The following SEMA5A variants were observed in gnomAD, a reference collection of about 807,000 sequenced individuals.
The protein encoded by SEMA5A is semaphorin-5A.
A neutral mutation model predicts 135.5 loss-of-function variants in SEMA5A; 55 were observed. The ratio of observed to expected loss-of-function variants is 0.41; its 90% CI spans 0.33 to 0.51. The LOEUF (loss-of-function observed/expected upper bound fraction) is 0.51, where lower values mean the gene tolerates loss of function less well. Among genes scored for constraint, SEMA5A ranks in the 20% least tolerant of loss-of-function variants. The pLI is 0.37. For synonymous variants in SEMA5A, 580 were observed against 546.5 expected, an observed-to-expected ratio of 1.06 and a Z score of -0.85; for missense variants, 1,290 against 1,419.9, an observed-to-expected ratio of 0.91 and a Z score of 1.47.
chr5:9,203,790 T>C (rs1745855737), intron 8 of SEMA5A, among the ~76,000 whole-genome samples: 1 of 152,168 alleles, frequency 6.6e-6, no homozygotes, highest in African/African-American at 2.4e-5. Flanking sequence ...TATTCTTAAG[T>C]CACTATTGCT....
intron 2 of SEMA5A, chr5:9,390,983 T>G (rs947565044): frequency 1.3e-5 from 2 of 152,152 alleles, no homozygotes; most frequent in African/African-American, 4.8e-5. Flanking sequence ...ATGGAAGAAG[T>G]AAAATTTTAA....
At position 9,333,830 on chromosome 5, in the gene SEMA5A, T is replaced by C. The variant is rs561093753; in HGVS notation, c.224+3883A>G. ...ATCTCTGAAATTGTTTTTTTCTTTATGCTTTACTGTATATTCTACATTTTG... is the reference window on the plus strand; with the variant it reads ...ATCTCTGAAATTGTTTTTTTCTTTACGCTTTACTGTATATTCTACATTTTG... On this transcript the variant is annotated intron_variant, in intron 4 of 22. Coordinates refer to ENST00000382496, the MANE Select transcript of SEMA5A (RefSeq NM_003966.3). Among the ~76,000 whole-genome samples, 18 of 152,354 alleles carry C rather than the reference T, an allele frequency of 1.2e-4. No individual in the cohort carries two copies. In the South Asian group the frequency reaches 3.5e-3, roughly 30 times the overall value.
intron 6 of SEMA5A, among the ~76,000 whole-genome samples, chr5:9,235,486 C>G (rs1308061353): frequency 1.3e-5 from 2 of 152,164 alleles, no homozygotes; most frequent in Non-Finnish European, 2.9e-5. Context: ...TTAAAGTTCA[C>G]TACCCTGGTA....
chr5:9,268,799 T>G, intron 5 of SEMA5A, among the ~76,000 whole-genome samples: 1 of 152,268 alleles, frequency 6.6e-6, no homozygotes, highest in East Asian at 1.9e-4. Context: ...TGCTACCTTG[T>G]ATATATATAA....
chr5:9,170,046 A>T (rs553430359), intron 11 of SEMA5A, among the ~76,000 whole-genome samples: 1 of 152,300 alleles, frequency 6.6e-6, no homozygotes, highest in South Asian at 2.1e-4. Context: ...TCAGTATTCC[A>T]TCTGGGAGGT....
chr5:9,050,580 G>T, intron 20 of SEMA5A, 123 bp from the exon 21 acceptor site: 2 of 832,374 alleles, frequency 2.4e-6, no homozygotes, highest in Non-Finnish European at 1.8e-6. Context: ...TCAAAAGCTT[G>T]ATTAATTATC....
At chr5:9,306,610 A>G (rs1355957394) in intron 5 of SEMA5A, among the ~76,000 whole-genome samples, 1 of 152,136 alleles carries the variant, frequency 6.6e-6, no homozygotes, top group Non-Finnish European at 1.5e-5. Flanking sequence ...ACCTTCTGCT[A>G]ACTTTACTAA....
In SEMA5A at chr5:9,204,635, A is replaced by T. The variant is rs1205964805; in HGVS notation, c.647-2395T>A. ...CCCATTTCACAGATGAGGACACTAA[A>T]GCCCAGAGATTTAATAACTTGTCCA... On this transcript the variant is annotated intron_variant, in intron 8 of 22. Transcript: ENST00000382496. This position sits in a 1 kb window ranked among gnomAD's most constrained non-coding sequence, Gnocchi z 6.4. Among the ~76,000 whole-genome samples the T allele has an allele frequency of 6.6e-6, 1 of 152,180 alleles. No individual in the cohort carries two copies. The highest frequency in any genetic ancestry group is 2.4e-5 in the African/African-American group (1 of 41,434).
At chr5:9,381,981 T>TGTGTGTGTGTGCGC (rs1411451751) in intron 2 of SEMA5A, among the ~76,000 whole-genome samples, 4 of 99,920 alleles carry the variant, frequency 4.0e-5, no homozygotes, top group Non-Finnish European at 6.4e-5. Flanking sequence ...TGTGTGTGTG[T>TGTGTGTGTGTGCGC]GCGCGCGCGC....
intron 1 of SEMA5A, among the ~76,000 whole-genome samples, chr5:9,488,597 T>C (rs1734847352): frequency 6.6e-6 from 1 of 152,182 alleles, no homozygotes; most frequent in Non-Finnish European, 1.5e-5. Context: ...GCATGGGTCA[T>C]ATGTCTGACA....
rs112063115 is a variant in SEMA5A, at chr5:9,500,780, G to A, written c.-175+44804C>T. Among the ~76,000 whole-genome samples, 1,436 of 152,194 alleles carry A rather than the reference G, an allele frequency of 9.4e-3. 19 individuals are homozygous for A. Among genetic ancestry groups the A allele is most frequent in the African/African-American group, 0.032 (1,325 of 41,516 alleles). Reference sequence around the variant, plus strand: ...CAGGTTGTGGTCTGTGCCTGGCTGCGGTCCACATTATATGTGTTTTAGGAG... The same window carrying A: ...CAGGTTGTGGTCTGTGCCTGGCTGCAGTCCACATTATATGTGTTTTAGGAG... On this transcript the variant is annotated intron_variant, in intron 1 of 22. Coordinates refer to ENST00000382496, the MANE Select transcript of SEMA5A (RefSeq NM_003966.3).
chr5:9,294,193 G>A lies in SEMA5A; in HGVS notation c.270+24179C>T, dbSNP rs371486945. Among the ~76,000 whole-genome samples, 32 of 152,112 alleles carry A rather than the reference G, an allele frequency of 2.1e-4. No individual in the cohort carries two copies. In the East Asian group the frequency reaches 2.1e-3, roughly 10 times the overall value. On this transcript the variant is annotated intron_variant, in intron 5 of 22. Coordinates refer to ENST00000382496, the MANE Select transcript of SEMA5A (RefSeq NM_003966.3). ...ACAGCATTTGGCCTTCCGGTACATC[G>A]TCACCTCCCCTCTCAGCTCGGCTGC...
At chr5:9,540,671 C>T (rs939020242) in intron 1 of SEMA5A, among the ~76,000 whole-genome samples, 1 of 152,074 alleles carries the variant, frequency 6.6e-6, no homozygotes, top group African/African-American at 2.4e-5. Flanking sequence ...AAAGGAGTCA[C>T]GGAAGCCAGT....
In SEMA5A at chr5:9,204,266, G is replaced by T. The variant is rs988445759; in HGVS notation, c.647-2026C>A. Among the ~76,000 whole-genome samples the T allele has an allele frequency of 4.6e-5, 7 of 152,118 alleles. No individual in the cohort carries two copies. Among genetic ancestry groups the T allele is most frequent in the Non-Finnish European group, 8.8e-5 (6 of 68,036 alleles). ...GAAAACAAAGAGAGAAGGCGTAAGG[G>T]TCCAAGTGTGTCTAGCCCGGGACTT... On this transcript the variant is annotated intron_variant, in intron 8 of 22. Coordinates refer to ENST00000382496, the MANE Select transcript of SEMA5A (RefSeq NM_003966.3). The surrounding 1 kb of genome is among the most constrained non-coding windows in gnomAD (Gnocchi z 6.4).
rs1215358817 is a variant in SEMA5A at position 9,400,501 on chromosome 5, A to ATTTT, written c.-77-20482_-77-20479dup. 5.3e-3 allele frequency among the ~76,000 whole-genome samples: 461 copies of ATTTT among 86,878 alleles called. 13 individuals carry two copies. Among genetic ancestry groups the ATTTT allele is most frequent in the Middle Eastern group, 7.7e-3 (1 of 130 alleles). The allele number at this position is 86,878 out of a possible 152,430, so 57.0% of individuals were successfully genotyped here. A position where few individuals can be genotyped will look rare whatever the true frequency, so the allele number is the denominator to read the frequency against. On this transcript the variant is annotated intron_variant, in intron 2 of 22. Coordinates refer to ENST00000382496, the MANE Select transcript of SEMA5A (RefSeq NM_003966.3). ...CTTCAATAGTTTGAACACAATGTAC[A>ATTTT]TTTTTTTTTTTTTTTTTTTTTTTGA...
intron 18 of SEMA5A, among the ~76,000 whole-genome samples, chr5:9,056,553 CTCT>C (rs1736903599): frequency 6.6e-6 from 1 of 152,160 alleles, no homozygotes; most frequent in Non-Finnish European, 1.5e-5. Flanking sequence ...GAAACCCTGT[CTCT>C]ACTAAAAACA....
Position 9,036,896 on chromosome 5 carries a change from C to G in SEMA5A, c.*6001G>C, listed in dbSNP as rs184169866. 2.0e-5 allele frequency: 3 copies of G among 152,742 alleles called. No homozygotes were observed. In the East Asian group the frequency reaches 5.8e-4, roughly 29 times the overall value. 9.5% of individuals were successfully genotyped at this position (152,742 alleles called of 1,614,324 possible). On this transcript the variant is annotated 3_prime_UTR_variant, in exon 23 of 23. Transcript: ENST00000382496. ...TACAGAGAGGGAAGAAAATGATGCT[C>G]TCATTTTAGCAACATGATAAAATAG...
At chr5:9,307,944 A>G (rs1338103678) in intron 5 of SEMA5A, among the ~76,000 whole-genome samples, 2 of 149,170 alleles carry the variant, frequency 1.3e-5, no homozygotes, top group African/African-American at 5.0e-5. Flanking sequence ...TGAGGCCACA[A>G]GCAAAGCAAC....
intron 3 of SEMA5A, among the ~76,000 whole-genome samples, chr5:9,373,132 A>G (rs1755214681): frequency 6.6e-6 from 1 of 152,190 alleles, no homozygotes; most frequent in African/African-American, 2.4e-5. Context: ...GAAAGAGCCA[A>G]CTCAGAGTTA....
Sources: gnomAD v4.1 joint callset for allele counts (sites outside exome capture counted in the v4.1 genomes callset) on GRCh38, gnomAD v4.1.1 for gene constraint, Gnocchi (gnomAD v3.1) non-coding constraint, MANE v1.5 for transcripts, NCBI Gene and HGNC (gene_info 2026-07-23, HGNC 2026-07-21) for gene names.